The following USP53 variants were observed in gnomAD, a reference collection of about 807,000 sequenced individuals.
USP53 encodes ubiquitin specific peptidase 53.
USP53 carries 71 observed loss-of-function variants against 94.9 expected under a neutral mutation model. The observed-to-expected ratio is 0.75, with a 90% CI of 0.62 to 0.91. The LOEUF (loss-of-function observed/expected upper bound fraction) is 0.91, where lower values mean the gene tolerates loss of function less well. USP53 is among the 40% of genes least tolerant of loss of function. USP53 has a pLI of 0.00. For missense variants in USP53, 1,173 were observed against 1,281.0 expected (o/e 0.92, Z 1.29); for synonymous variants, 375 against 422.7 (o/e 0.89, Z 1.39).
chr4:119,256,147 TTAAA>T, intron 7 of USP53, 95 bp from the exon 8 acceptor site: 1 of 825,304 alleles, frequency 1.2e-6, no homozygotes, highest in Non-Finnish European at 1.9e-6. Flanking sequence ...TATGACACTC[TTAAA>T]TTTATACTTT....
In USP53 at chr4:119,239,700, C is replaced by A; in HGVS notation, c.-60C>A. 3 of 1,527,740 alleles carry A rather than the reference C, an allele frequency of 2.0e-6. No homozygotes were observed. Among genetic ancestry groups the A allele is most frequent in the Non-Finnish European group, 2.6e-6 (3 of 1,137,218 alleles). The allele number at this position is 1,527,740 out of a possible 1,614,324, so 94.6% of individuals were successfully genotyped here. On this transcript the variant is annotated 5_prime_UTR_variant, in exon 5 of 19. Transcript: ENST00000692078. ...CAATTCAAGACATCCATTTTATTGT[C>A]CAAAATATTACATAAAAGTGTACAG...
chr4:119,239,483 T>C lies in USP53; in HGVS notation c.-277T>C. On this transcript the variant is annotated 5_prime_UTR_variant, in exon 5 of 19. Coordinates refer to ENST00000692078, the MANE Select transcript of USP53 (RefSeq NM_001371395.1). ...CGTTTTCATATTAACCTTATACAGC[T>C]CCCATAAAATTTAACACATATAAAC... 1 of 407,652 alleles carries C rather than the reference T, an allele frequency of 2.5e-6. No individual in the cohort carries two copies. Among genetic ancestry groups the C allele is most frequent in the Non-Finnish European group, 4.3e-6 (1 of 231,332 alleles). The allele number at this position is 407,652 out of a possible 1,614,324, so 25.3% of individuals were successfully genotyped here.
intron 3 of USP53, among the ~76,000 whole-genome samples, chr4:119,229,329 CA>C (rs973979899): frequency 6.6e-6 from 1 of 152,158 alleles, no homozygotes; most frequent in Non-Finnish European, 1.5e-5. Flanking sequence ...TTTACCATTT[CA>C]TCTATTCTTA....
intron 14 of USP53, among the ~76,000 whole-genome samples, chr4:119,269,122 A>G (rs896013282): frequency 2.0e-5 from 3 of 152,240 alleles, no homozygotes; most frequent in African/African-American, 7.2e-5. Flanking sequence ...ATTCTTAATG[A>G]AGCTGTATCT....
At chr4:119,230,398 C>A (rs1005870172) in intron 3 of USP53, among the ~76,000 whole-genome samples, 2 of 152,140 alleles carry the variant, frequency 1.3e-5, no homozygotes, top group Non-Finnish European at 1.5e-5. Flanking sequence ...AAACACTACC[C>A]CTTCCCTGCC....
intron 11 of USP53, among the ~76,000 whole-genome samples, chr4:119,260,946 CTCTCTTTTTTTTT>C (rs1355629602): frequency 8.0e-6 from 1 of 124,552 alleles, no homozygotes; most frequent in African/African-American, 3.0e-5. Flanking sequence ...GCACTGATCT[CTCTCTTTTTTTTT>C]TTTTTTTTTT....
Position 119,293,565 on chromosome 4 carries a change from A to T in USP53, c.*354A>T. On this transcript the variant is annotated 3_prime_UTR_variant, in exon 19 of 19. Coordinates refer to ENST00000692078, the MANE Select transcript of USP53 (RefSeq NM_001371395.1). ...AGGGAGATATAATAATTCATTTGTC[A>T]TATGCTACAGTTGAATAAAAATTAA... is the stretch of plus-strand genomic sequence containing the variant. 1 of 175,860 alleles carries T rather than the reference A, an allele frequency of 5.7e-6. No individual in the cohort carries two copies. The highest frequency in any genetic ancestry group is 1.6e-4 in the South Asian group (1 of 6,146). 10.9% of individuals were successfully genotyped at this position (175,860 alleles called of 1,614,324 possible). A position where few individuals can be genotyped will look rare whatever the true frequency, so the allele number is the denominator to read the frequency against.
intron 6 of USP53, 38 bp downstream of exon 6, chr4:119,245,467 G>A: frequency 6.3e-7 from 1 of 1,583,472 alleles, no homozygotes; most frequent in South Asian, 1.1e-5. Context: ...ACTATCAATT[G>A]TTCCTTCAAA....
Position 119,239,745 on chromosome 4 carries a change from C to G in USP53, c.-15C>G. 1 of 1,598,292 alleles carries G rather than the reference C, an allele frequency of 6.3e-7. No individual in the cohort carries two copies. The highest frequency in any genetic ancestry group is 1.3e-5 in the African/African-American group (1 of 74,298). On this transcript the variant is annotated 5_prime_UTR_variant, in exon 5 of 19. Coordinates refer to ENST00000692078, the MANE Select transcript of USP53 (RefSeq NM_001371395.1). The stretch of plus-strand genomic sequence containing the variant: ...GTACAGTTTTTAGCCTAAATGCAAA[C>G]AAAGTTGCTTGAAAATGGCATGGGT...
intron 4 of USP53, among the ~76,000 whole-genome samples, chr4:119,238,923 T>C (rs1044181497): frequency 6.6e-6 from 1 of 152,204 alleles, no homozygotes; most frequent in African/African-American, 2.4e-5. Flanking sequence ...AATTTAGTGT[T>C]GACAGATACA....
At position 119,271,525 on chromosome 4, in the gene USP53, C is replaced by T. The variant is rs1465111594; in HGVS notation, c.1665C>T (p.Gly555=). The change falls in exon 16 of 19, where the codon GGC becomes GGT. Residue 555 remains glycine (G), a synonymous_variant. Coordinates refer to ENST00000692078, the MANE Select transcript of USP53 (RefSeq NM_001371395.1). ...CTGGCAAAGTTAAGAGTGACAATGG[C>T]ACTGGATATGACACAGACAGCAGCC... ...KITGKVKSDN[G]TGYDTDSSQD... 2.5e-6 allele frequency: 4 copies of T among 1,613,494 alleles called. No homozygotes were observed. The highest frequency in any genetic ancestry group is 3.4e-6 in the Non-Finnish European group (4 of 1,179,990).
chr4:119,214,535 A>G (rs1743447399), intron 2 of USP53, among the ~76,000 whole-genome samples: 1 of 152,114 alleles, frequency 6.6e-6, no homozygotes, highest in South Asian at 2.1e-4. Context: ...TATTTTCACT[A>G]AACAATGCAT....
intron 4 of USP53, among the ~76,000 whole-genome samples, chr4:119,236,685 T>C (rs1233990488): frequency 1.3e-5 from 2 of 152,228 alleles, no homozygotes; most frequent in African/African-American, 4.8e-5. Context: ...AGTTTTATCA[T>C]GAGATTGCAG....
intron 17 of USP53, among the ~76,000 whole-genome samples, chr4:119,279,855 C>T (rs1263543037): frequency 1.3e-5 from 2 of 152,184 alleles, no homozygotes; most frequent in South Asian, 4.1e-4. Context: ...GTGGGAGTGA[C>T]CCGATTTTCC....
chr4:119,291,199 C>A lies in USP53; in HGVS notation c.2286C>A (p.Gly762=). The A allele has an allele frequency of 6.6e-7, 1 of 1,516,964 alleles. No individual in the cohort carries two copies. Among genetic ancestry groups the A allele is most frequent in the Non-Finnish European group, 8.9e-7 (1 of 1,124,536 alleles). The allele number at this position is 1,516,964 out of a possible 1,614,324, so 94.0% of individuals were successfully genotyped here. ...FRKELRNLEA[G]YKSHEFHPES... is the part of the protein sequence containing the mutation. ...AAGAACTCAGGAATTTGGAAGCAGGCTATAAATCTCATGAATTCCACCCAG... is the reference window on the plus strand; with the variant it reads ...AAGAACTCAGGAATTTGGAAGCAGGATATAAATCTCATGAATTCCACCCAG... The change falls in exon 18 of 19, where the codon GGC becomes GGA. Residue 762 remains glycine, a synonymous_variant. Coordinates refer to ENST00000692078, the MANE Select transcript of USP53 (RefSeq NM_001371395.1).
intron 3 of USP53, among the ~76,000 whole-genome samples, chr4:119,224,858 T>C (rs1195022096): frequency 6.6e-6 from 1 of 152,064 alleles, no homozygotes; most frequent in Non-Finnish European, 1.5e-5. Flanking sequence ...AATGCTTATA[T>C]TAGAAAAGAA....
At chr4:119,278,669 TCTC>T (rs1409790018) in intron 17 of USP53, among the ~76,000 whole-genome samples, 1 of 63,296 alleles carries the variant, frequency 1.6e-5, no homozygotes, top group East Asian at 4.9e-4. Flanking sequence ...TTGGGGAAGT[TCTC>T]CTGGATAATA....
intron 16 of USP53, 148 bp from the exon 17 acceptor site, chr4:119,273,484 C>T (rs969365702): frequency 3.7e-5 from 19 of 512,296 alleles, no homozygotes; most frequent in Non-Finnish European, 6.0e-5. Flanking sequence ...ATGAAGATAA[C>T]AACTACTTTT....
chr4:119,233,027 TTAA>T (rs1746270280), intron 3 of USP53, among the ~76,000 whole-genome samples: 1 of 152,256 alleles, frequency 6.6e-6, no homozygotes, highest in East Asian at 1.9e-4. Flanking sequence ...TTTTCTTGTA[TTAA>T]TTTTGGTAAT....
Sources: gnomAD v4.1 joint callset for allele counts (sites outside exome capture counted in the v4.1 genomes callset) on GRCh38, gnomAD v4.1.1 for gene constraint, MANE v1.5 for transcripts, NCBI Gene and HGNC (gene_info 2026-07-23, HGNC 2026-07-21) for gene names.